The following DOCK2 variants were observed in gnomAD, a reference collection of about 807,000 sequenced individuals.
The protein encoded by DOCK2 is dedicator of cytokinesis protein 2.
In DOCK2, 87 loss-of-function variants were observed where a neutral mutation model predicts 248.9. The ratio of observed to expected loss-of-function variants is 0.35; its 90% CI spans 0.29 to 0.42. The LOEUF is 0.42. DOCK2 is among the 10% of genes least tolerant of loss of function. The pLI, the probability that DOCK2 is intolerant of heterozygous loss-of-function variation, is 1.00. For synonymous variants in DOCK2, 805 were observed against 821.6 expected (o/e 0.98, Z 0.35); for missense variants, 1,747 against 2,300.2 (o/e 0.76, Z 4.92).
chr5:169,743,825 G>GAT (rs906889707), intron 22 of DOCK2, among the ~76,000 whole-genome samples: 1 of 147,438 alleles, frequency 6.8e-6, no homozygotes, highest in African/African-American at 2.5e-5. Flanking sequence ...ATATATTTTA[G>GAT]ATATATATAT....
chr5:169,796,538 G>T (rs560074546), intron 25 of DOCK2, among the ~76,000 whole-genome samples: 1 of 152,312 alleles, frequency 6.6e-6, no homozygotes, highest in South Asian at 2.1e-4. Flanking sequence ...CCCAACTACA[G>T]CTTGGGCCTT....
chr5:169,756,290 C>T (rs1405582001), intron 23 of DOCK2, among the ~76,000 whole-genome samples: 1 of 152,202 alleles, frequency 6.6e-6, no homozygotes, highest in East Asian at 1.9e-4. Context: ...TCCATCGTGT[C>T]CCTCCAAAGT....
At chr5:169,759,528 A>G (rs567714071) in intron 23 of DOCK2, among the ~76,000 whole-genome samples, 177 bp from the exon 24 acceptor site, 7 of 152,344 alleles carry the variant, frequency 4.6e-5, no homozygotes, top group South Asian at 2.1e-4. Flanking sequence ...TCACTTTTGT[A>G]TACAAAGAAG....
intron 22 of DOCK2, among the ~76,000 whole-genome samples, chr5:169,735,010 T>C (rs1024137341): frequency 6.6e-6 from 1 of 152,212 alleles, no homozygotes; most frequent in Non-Finnish European, 1.5e-5. Context: ...TAGTGACTTA[T>C]ATTTAAAATC....
At chr5:169,672,967 T>TC (rs1444518273) in intron 5 of DOCK2, among the ~76,000 whole-genome samples, 2 of 152,208 alleles carry the variant, frequency 1.3e-5, no homozygotes, top group Non-Finnish European at 2.9e-5. Flanking sequence ...CACACCACCC[T>TC]CCCAGCACAT....
At chr5:169,812,822 C>T (rs1439815550) in intron 26 of DOCK2, among the ~76,000 whole-genome samples, 1 of 152,252 alleles carries the variant, frequency 6.6e-6, no homozygotes, top group East Asian at 1.9e-4. Flanking sequence ...AAAGTGGCTT[C>T]CTGGGAGAAT....
At chr5:169,850,548 T>TG (rs533567121) in intron 27 of DOCK2, among the ~76,000 whole-genome samples, 2 of 151,680 alleles carry the variant, frequency 1.3e-5, no homozygotes, top group Non-Finnish European at 2.9e-5. Flanking sequence ...AAGAAAATAG[T>TG]AAAAAAAATT....
At chr5:170,041,944 A>T in intron 37 of DOCK2, 69 bp from the exon 38 acceptor site, 1 of 1,570,122 alleles carries the variant, frequency 6.4e-7, no homozygotes, top group South Asian at 1.2e-5. Flanking sequence ...CCTGCCTTTA[A>T]TCCTAGGAAG....
intron 25 of DOCK2, among the ~76,000 whole-genome samples, chr5:169,798,709 C>T (rs557739165): frequency 2.0e-5 from 3 of 152,230 alleles, no homozygotes; most frequent in African/African-American, 7.2e-5. Context: ...GGTAGTTAAC[C>T]CTTGGTCATT....
intron 29 of DOCK2, among the ~76,000 whole-genome samples, chr5:169,991,377 CT>C (rs564216356): frequency 2.2e-4 from 33 of 152,370 alleles, no homozygotes; most frequent in African/African-American, 7.5e-4. Flanking sequence ...CTGCCAGCTT[CT>C]TCCTACTCAC....
chr5:169,833,009 G>A (rs1267834158), intron 26 of DOCK2, among the ~76,000 whole-genome samples: 3 of 152,280 alleles, frequency 2.0e-5, no homozygotes, highest in South Asian at 4.1e-4. Context: ...TGCTGGACTG[G>A]AGGAAGCAGT....
intron 27 of DOCK2, among the ~76,000 whole-genome samples, chr5:169,941,854 A>G (rs1477262818): frequency 6.6e-6 from 1 of 152,166 alleles, no homozygotes; most frequent in Admixed American, 6.5e-5. Flanking sequence ...TGGGGCTGCC[A>G]ATTTTGGTTT....
At chr5:169,658,507 T>G (rs1758256234) in intron 2 of DOCK2, among the ~76,000 whole-genome samples, 1 of 150,416 alleles carries the variant, frequency 6.6e-6, no homozygotes, top group South Asian at 2.1e-4. Context: ...AAAAATGTAT[T>G]TATATAGTAT....
At chr5:169,891,999 AAAAAAAAAAAAAAG>A (rs1773320597) in intron 27 of DOCK2, among the ~76,000 whole-genome samples, 1 of 150,408 alleles carries the variant, frequency 6.6e-6, no homozygotes, top group South Asian at 2.1e-4. Context: ...CCGTCCCAAA[AAAAAAAAAAAAAAG>A]AAAAAGAAAA....
chr5:169,781,925 A>G (rs1765735081), intron 25 of DOCK2, among the ~76,000 whole-genome samples: 3 of 152,148 alleles, frequency 2.0e-5, no homozygotes, highest in Admixed American at 2.0e-4. Context: ...GATTTGCCAG[A>G]ACCCCCGTCT....
chr5:169,869,693 G>A (rs1771826729), intron 27 of DOCK2, among the ~76,000 whole-genome samples: 1 of 152,220 alleles, frequency 6.6e-6, no homozygotes, highest in African/African-American at 2.4e-5. Context: ...AAAGGAGTAA[G>A]TTGCCAACTT....
intron 27 of DOCK2, among the ~76,000 whole-genome samples, chr5:169,910,866 C>T (rs1443663867): frequency 1.3e-5 from 2 of 152,180 alleles, no homozygotes; most frequent in African/African-American, 2.4e-5. Context: ...CCCACCTAGT[C>T]GGTTTCTCCT....
chr5:169,759,450 A>G (rs559616601), intron 23 of DOCK2, among the ~76,000 whole-genome samples: 5 of 152,358 alleles, frequency 3.3e-5, no homozygotes, highest in Admixed American at 6.5e-5. Context: ...TTGCAGATCT[A>G]TAGAACTACA....
intron 27 of DOCK2, among the ~76,000 whole-genome samples, chr5:169,869,491 A>G (rs1055834886): frequency 6.6e-6 from 1 of 152,210 alleles, no homozygotes; most frequent in Non-Finnish European, 1.5e-5. Flanking sequence ...TTTTCTTTTT[A>G]TTCATCCGTT....
Sources: gnomAD v4.1 joint callset for allele counts (sites outside exome capture counted in the v4.1 genomes callset) on GRCh38, gnomAD v4.1.1 for gene constraint, MANE v1.5 for transcripts, NCBI Gene and HGNC (gene_info 2026-07-23, HGNC 2026-07-21) for gene names.